TAFA5: variants seen among roughly 807,000 people sequenced by gnomAD.
The protein encoded by TAFA5 is TAFA chemokine like family member 5.
Under a neutral mutation model 15.3 loss-of-function variants are expected in TAFA5, and 6 were observed. The ratio of observed to expected loss-of-function variants is 0.39; its 90% CI spans 0.21 to 0.77. The LOEUF (loss-of-function observed/expected upper bound fraction) is 0.77. Among genes scored for constraint, TAFA5 ranks in the 30% least tolerant of loss-of-function variants. TAFA5 has a pLI of 0.41. For synonymous variants in TAFA5, 103 were observed against 80.7 expected (o/e 1.28, Z -1.48); for missense variants, 161 against 193.1 (o/e 0.83, Z 0.98).
chr22:48,604,004 C>T (rs566288694), intron 1 of TAFA5, among the ~76,000 whole-genome samples: 9 of 152,304 alleles, frequency 5.9e-5, no homozygotes, highest in African/African-American at 1.7e-4. Context: ...GACACCCACC[C>T]GGGAGTTTAG....
intron 1 of TAFA5, among the ~76,000 whole-genome samples, chr22:48,620,905 A>C (rs1925795743): frequency 9.0e-6 from 1 of 111,124 alleles, no homozygotes; most frequent in Middle Eastern, 5.1e-3. Flanking sequence ...CAGTCTATCC[A>C]CCCACCCACC....
chr22:48,745,910 G>A (rs1480017534), intron 3 of TAFA5, among the ~76,000 whole-genome samples: 9 of 152,196 alleles, frequency 5.9e-5, no homozygotes, highest in Admixed American at 3.3e-4. Flanking sequence ...AGAGGAGGGC[G>A]GGCCGGTGAG....
intron 2 of TAFA5, among the ~76,000 whole-genome samples, chr22:48,694,801 C>T: frequency 3.0e-5 from 1 of 33,170 alleles, no homozygotes; most frequent in South Asian, 1.7e-3. Flanking sequence ...CCGCTCCAGA[C>T]CTCCGCCCCC....
chr22:48,744,024 C>T (rs1336125420), intron 3 of TAFA5, among the ~76,000 whole-genome samples: 1 of 152,182 alleles, frequency 6.6e-6, no homozygotes, highest in Non-Finnish European at 1.5e-5. Flanking sequence ...CTGGGTTTGC[C>T]GTCGGGGAAG....
Position 48,694,840 on chromosome 22 carries a change from ACCCCCCG to A in TAFA5, c.263-12874_263-12868del, listed in dbSNP as rs1928660152. Reference sequence around the variant, plus strand: ...CGCCGCCGCTCCGACCTCCGCCCCCACCCCCCGCCGCTCCAGACTTCCACCCCCACCT... The same window carrying A: ...CGCCGCCGCTCCGACCTCCGCCCCCACCGCTCCAGACTTCCACCCCCACCT... On this transcript the variant is annotated intron_variant, in intron 2 of 3. Coordinates refer to ENST00000402357, the MANE Select transcript of TAFA5 (RefSeq NM_001082967.3). Among the ~76,000 whole-genome samples the A allele has an allele frequency of 1.5e-4, 4 of 27,504 alleles. No individual in the cohort carries two copies. In the Admixed American group the frequency reaches 1.6e-3, roughly 11 times the overall value. 18.0% of individuals were successfully genotyped at this position (27,504 alleles called of 152,430 possible).
chr22:48,704,772 C>A (rs1929027855), intron 2 of TAFA5, among the ~76,000 whole-genome samples: 1 of 143,044 alleles, frequency 7.0e-6, no homozygotes, highest in South Asian at 2.2e-4. Flanking sequence ...CTGGCTGTCT[C>A]AGCCGGCTCA....
In TAFA5 at chr22:48,579,487, C is replaced by T. The variant is rs552974588; in HGVS notation, c.113-67110C>T. 5.5e-4 allele frequency among the ~76,000 whole-genome samples: 84 copies of T among 152,322 alleles called. 1 individual carries two copies. Among genetic ancestry groups the T allele is most frequent in the African/African-American group, 2.0e-3 (82 of 41,580 alleles). ...AAGTGGGGGACGAGGGCGGGAATCCCAGGACCCTGATGGAAGAGCCGGCCG... is the reference window on the plus strand; with the variant it reads ...AAGTGGGGGACGAGGGCGGGAATCCTAGGACCCTGATGGAAGAGCCGGCCG... On this transcript the variant is annotated intron_variant, in intron 1 of 3. Transcript: ENST00000402357.
chr22:48,523,057 G>C (rs928200724), intron 1 of TAFA5, among the ~76,000 whole-genome samples: 2 of 152,228 alleles, frequency 1.3e-5, no homozygotes, highest in African/African-American at 2.4e-5. Context: ...CATGGGTCAC[G>C]GTGGAGGATG....
intron 1 of TAFA5, among the ~76,000 whole-genome samples, chr22:48,542,480 GGTGTGTGTGTGGTGTGT>G (rs1922458493): frequency 1.0e-5 from 1 of 98,806 alleles, no homozygotes; most frequent in Non-Finnish European, 1.9e-5. Flanking sequence ...ATGTGTGTGT[GGTGTGTGTGTGGTGTGT>G]GTGCGTGTGT....
intron 3 of TAFA5, among the ~76,000 whole-genome samples, chr22:48,749,391 G>A (rs895542524): frequency 2.6e-5 from 4 of 152,202 alleles, no homozygotes; most frequent in South Asian, 2.1e-4. Context: ...GTGGGGGTGC[G>A]GCCAGGTCCC....
intron 1 of TAFA5, among the ~76,000 whole-genome samples, chr22:48,625,633 TCA>T (rs1200576909): frequency 2.0e-5 from 3 of 152,204 alleles, no homozygotes; most frequent in Non-Finnish European, 4.4e-5. Flanking sequence ...GGAGGTTATT[TCA>T]CACATTTACA....
intron 1 of TAFA5, among the ~76,000 whole-genome samples, chr22:48,511,995 A>C (rs133514): frequency 6.6e-6 from 1 of 152,136 alleles, no homozygotes; most frequent in African/African-American, 2.4e-5. Flanking sequence ...TTGGAGCCCC[A>C]TGGCACAGAG....
intron 1 of TAFA5, among the ~76,000 whole-genome samples, chr22:48,596,655 C>T (rs553272778): frequency 1.3e-5 from 2 of 152,182 alleles, no homozygotes; most frequent in South Asian, 2.1e-4. Flanking sequence ...TGTTATTAAC[C>T]GAGGCCCATG....
intron 1 of TAFA5, among the ~76,000 whole-genome samples, chr22:48,536,374 T>C (rs747919969): frequency 2.0e-5 from 3 of 152,168 alleles, no homozygotes; most frequent in Non-Finnish European, 4.4e-5. Flanking sequence ...AAGTTATATG[T>C]CCATAAAAGA....
chr22:48,595,472 G>C (rs961113296), intron 1 of TAFA5, among the ~76,000 whole-genome samples: 3 of 152,250 alleles, frequency 2.0e-5, no homozygotes, highest in Non-Finnish European at 4.4e-5. Context: ...AGATCCGCAA[G>C]TGCTGCCGGT....
At chr22:48,571,589 T>G (rs1439083044) in intron 1 of TAFA5, among the ~76,000 whole-genome samples, 8 of 141,802 alleles carry the variant, frequency 5.6e-5, no homozygotes, top group Admixed American at 2.8e-4. Context: ...TTTTTTTTTT[T>G]TTTTTTTTTT....
intron 2 of TAFA5, among the ~76,000 whole-genome samples, chr22:48,658,336 C>T (rs1927320363): frequency 6.6e-6 from 1 of 152,226 alleles, no homozygotes; most frequent in South Asian, 2.1e-4. Flanking sequence ...GAGGCAGGTC[C>T]CTTGTCCCGA....
intron 3 of TAFA5, among the ~76,000 whole-genome samples, chr22:48,710,871 A>G (rs13053426): frequency 0.3 from 46,090 of 152,032 alleles, 7,312 homozygotes; most frequent in East Asian, 0.53. Context: ...CACAGGCTTG[A>G]ATACTGCGGC....
chr22:48,545,169 C>T (rs1435336670), intron 1 of TAFA5: 4 of 326,126 alleles, frequency 1.2e-5, no homozygotes, highest in Non-Finnish European at 1.8e-5. Flanking sequence ...ATTCTCTCTC[C>T]CTCTTGCTCT....
Sources: allele counts gnomAD v4.1 joint callset (sites outside exome capture counted in the v4.1 genomes callset), GRCh38; gene constraint gnomAD v4.1.1; transcripts MANE v1.5; gene names NCBI Gene and HGNC (gene_info 2026-07-23, HGNC 2026-07-21).